The following CDH23 variants were observed in gnomAD, a reference collection of about 807,000 sequenced individuals.
CDH23 encodes cadherin related 23, also known as cadherin-23.
A neutral mutation model predicts 317.1 loss-of-function variants in CDH23; 189 were observed. That is an observed-to-expected ratio of 0.60 (90% CI 0.53 to 0.67). The LOEUF (loss-of-function observed/expected upper bound fraction) is 0.67. Ranked by LOEUF, CDH23 falls within the 30% of genes least tolerant of loss-of-function variation. The pLI, the probability that CDH23 is intolerant of heterozygous loss-of-function variation, is 0.00. For synonymous variants in CDH23, 1,839 were observed against 1,876.8 expected (o/e 0.98, Z 0.52); for missense variants, 4,401 against 4,592.4 (o/e 0.96, Z 1.20).
intron 1 of CDH23, among the ~76,000 whole-genome samples, chr10:71,403,358 T>C (rs1428106692): frequency 0.04 from 3,962 of 99,468 alleles, 269 homozygotes; most frequent in African/African-American, 0.13. Context: ...TTTCTTTCTT[T>C]CTTTCTTTCT....
At position 71,815,273 on chromosome 10, in the gene CDH23, C is replaced by CTGTG; in HGVS notation, c.10061_10064dup (p.Ter3355CysfsTer84). On this transcript the variant is annotated frameshift_variant, in exon 70 of 70. Transcript: ENST00000224721. LOFTEE classifies it high-confidence loss of function. ...GGAGACCCCCCTGGAGATCACAGAGCTGTGACTAGACAGGGAAGCCTTGTG... is the reference window on the plus strand; with the variant it reads ...GGAGACCCCCCTGGAGATCACAGAGCTGTGTGTGACTAGACAGGGAAGCCTTGTG... The CTGTG allele has an allele frequency of 6.4e-7, 1 of 1,561,520 alleles. No individual in the cohort carries two copies. Among genetic ancestry groups the CTGTG allele is most frequent in the Non-Finnish European group, 8.7e-7 (1 of 1,148,954 alleles).
intron 2 of CDH23, among the ~76,000 whole-genome samples, chr10:71,440,278 A>G (rs937585634): frequency 2.6e-5 from 4 of 152,120 alleles, no homozygotes; most frequent in African/African-American, 4.8e-5. Flanking sequence ...TGTGTGACCT[A>G]CTGCACCCAG....
chr10:71,783,158 G>A (rs1841002528), intron 41 of CDH23, among the ~76,000 whole-genome samples: 1 of 152,144 alleles, frequency 6.6e-6, no homozygotes. Context: ...CATTTCCTGG[G>A]GGAATGCGGA....
chr10:71,577,599 C>T (rs185948808), intron 8 of CDH23, among the ~76,000 whole-genome samples: 1 of 152,326 alleles, frequency 6.6e-6, no homozygotes, highest in Non-Finnish European at 1.5e-5. Flanking sequence ...AGCTTGAGAC[C>T]AGATCTCTTG....
intron 6 of CDH23, among the ~76,000 whole-genome samples, chr10:71,543,365 G>A (rs569386510): frequency 6.6e-6 from 1 of 152,314 alleles, no homozygotes; most frequent in South Asian, 2.1e-4. Flanking sequence ...GATGGGGACA[G>A]CTCCCCTCTC....
chr10:71,530,069 A>T (rs910355321), intron 6 of CDH23, among the ~76,000 whole-genome samples: 6 of 145,014 alleles, frequency 4.1e-5, no homozygotes, highest in Admixed American at 6.8e-5. Context: ...ACACACACAC[A>T]CTCTCCCCAG....
intron 6 of CDH23, among the ~76,000 whole-genome samples, chr10:71,553,316 C>T (rs1379458526): frequency 2.6e-5 from 4 of 152,198 alleles, no homozygotes; most frequent in African/African-American, 4.8e-5. Context: ...TCAAACCCCC[C>T]GGCCCTCACC....
At chr10:71,608,873 C>G (rs1426600886) in intron 9 of CDH23, among the ~76,000 whole-genome samples, 1 of 152,176 alleles carries the variant, frequency 6.6e-6, no homozygotes, top group Admixed American at 6.5e-5. Context: ...GAGTGGGGAG[C>G]CTTAGGCTTT....
chr10:71,582,054 G>T (rs1858677550), intron 9 of CDH23, among the ~76,000 whole-genome samples: 1 of 152,240 alleles, frequency 6.6e-6, no homozygotes, highest in Admixed American at 6.5e-5. Context: ...ATGGATGAGA[G>T]GGTGCTGGAG....
At chr10:71,597,616 C>T (rs1374255491) in intron 9 of CDH23, among the ~76,000 whole-genome samples, 1 of 152,062 alleles carries the variant, frequency 6.6e-6, no homozygotes, top group East Asian at 1.9e-4. Context: ...CAGGACCTGG[C>T]AGCTCATCCA....
intron 14 of CDH23, among the ~76,000 whole-genome samples, chr10:71,671,273 G>C (rs1243311003): frequency 6.6e-6 from 1 of 152,046 alleles, no homozygotes; most frequent in African/African-American, 2.4e-5. Flanking sequence ...CCTTTGGTTT[G>C]GCATTTTTTA....
At chr10:71,695,592 C>T (rs549136875) in intron 22 of CDH23, 67 bp downstream of exon 22, 102 of 1,112,814 alleles carry the variant, frequency 9.2e-5, no homozygotes, top group Middle Eastern at 4.0e-4. Flanking sequence ...CCTCCCACTG[C>T]GATTCCAGGG....
At chr10:71,712,481 C>T (rs1866012740) in intron 27 of CDH23, 184 bp from the exon 28 acceptor site, 1 of 610,384 alleles carries the variant, frequency 1.6e-6, no homozygotes, top group Non-Finnish European at 2.9e-6. Context: ...ATGGTGTTAT[C>T]TAAGTATTTG....
intron 1 of CDH23, among the ~76,000 whole-genome samples, chr10:71,423,028 T>C (rs572485039): frequency 6.6e-6 from 1 of 152,328 alleles, no homozygotes; most frequent in Non-Finnish European, 1.5e-5. Context: ...TTTATATTTA[T>C]ATTATGTTTT....
chr10:71,769,903 A>C (rs576507162), intron 38 of CDH23, among the ~76,000 whole-genome samples: 70 of 152,334 alleles, frequency 4.6e-4, no homozygotes, highest in Middle Eastern at 3.4e-3. Flanking sequence ...AAGATCCACC[A>C]AGATAAGCAA....
At chr10:71,801,150 CTTTTTTTT>C (rs386371783) in intron 53 of CDH23, among the ~76,000 whole-genome samples, 2 of 73,958 alleles carry the variant, frequency 2.7e-5, no homozygotes, top group Non-Finnish European at 4.8e-5. Flanking sequence ...CTCTCTCTCT[CTTTTTTTT>C]TTTTTTTTTT....
At chr10:71,738,864 G>A (rs978561555) in intron 35 of CDH23, among the ~76,000 whole-genome samples, 1 of 152,270 alleles carries the variant, frequency 6.6e-6, no homozygotes, top group Admixed American at 6.5e-5. Context: ...TGGACATGGA[G>A]CCCGAAGGCC....
At chr10:71,420,455 A>ATGGTAATGG (rs1564568611) in intron 1 of CDH23, among the ~76,000 whole-genome samples, 1 of 127,342 alleles carries the variant, frequency 7.9e-6, no homozygotes, top group African/African-American at 3.0e-5. Context: ...TATGATGGTG[A>ATGGTAATGG]TGATAATGAT....
intron 3 of CDH23, among the ~76,000 whole-genome samples, chr10:71,482,555 G>A (rs1355774343): frequency 1.3e-5 from 2 of 152,230 alleles, no homozygotes; most frequent in Non-Finnish European, 2.9e-5. Flanking sequence ...GGGAGAGGCT[G>A]CCTCCTCCAC....
Sources: allele counts gnomAD v4.1 joint callset (sites outside exome capture counted in the v4.1 genomes callset), GRCh38; gene constraint gnomAD v4.1.1; transcripts MANE v1.5; gene names NCBI Gene and HGNC (gene_info 2026-07-23, HGNC 2026-07-21).